PTPRG: variants seen among roughly 807,000 people sequenced by gnomAD.
PTPRG encodes protein tyrosine phosphatase receptor type G, also known as receptor-type tyrosine-protein phosphatase gamma.
A neutral mutation model predicts 165.3 loss-of-function variants in PTPRG; 102 were observed. That is an observed-to-expected ratio of 0.62 (90% CI 0.53 to 0.73). The LOEUF (loss-of-function observed/expected upper bound fraction) is 0.73. PTPRG is among the 30% of genes least tolerant of loss of function. The pLI, the probability that PTPRG is intolerant of heterozygous loss-of-function variation, is 0.00. For synonymous variants in PTPRG, 675 were observed against 669.5 expected (o/e 1.01, Z -0.13); for missense variants, 1,866 against 1,861.4 (o/e 1.00, Z -0.05).
intron 2 of PTPRG, among the ~76,000 whole-genome samples, chr3:61,844,072 T>C (rs1296508686): frequency 6.6e-6 from 1 of 151,674 alleles, no homozygotes; most frequent in East Asian, 1.9e-4. Context: ...CAAGCGATTC[T>C]CCTGCCTCAG....
intron 2 of PTPRG, among the ~76,000 whole-genome samples, chr3:61,961,139 G>A (rs1034805750): frequency 2.6e-5 from 4 of 152,136 alleles, no homozygotes; most frequent in African/African-American, 4.8e-5. Context: ...CATCTCTCCA[G>A]TAGGACCTTC....
rs1429561173 is a variant in PTPRG, at chr3:62,224,839, T to C, written c.2288+5856T>C. ...CTGAGCTGTTTCAGGTAGGACACTA[T>C]AGTTCTCCCTTGAATGTCCCTCGCA... is the stretch of plus-strand genomic sequence containing the variant. On this transcript the variant is annotated intron_variant, in intron 13 of 29. Coordinates refer to ENST00000474889, the MANE Select transcript of PTPRG (RefSeq NM_002841.4). This position sits in a 1 kb window ranked among gnomAD's most constrained non-coding sequence, Gnocchi z 4.9. 6.6e-6 allele frequency among the ~76,000 whole-genome samples: 1 copy of C among 152,190 alleles called. No homozygotes were observed. Among genetic ancestry groups the C allele is most frequent in the Non-Finnish European group, 1.5e-5 (1 of 68,032 alleles).
At chr3:62,288,282 G>A (rs1395463939) in intron 28 of PTPRG, among the ~76,000 whole-genome samples, 3 of 151,954 alleles carry the variant, frequency 2.0e-5, no homozygotes, top group South Asian at 2.1e-4. Flanking sequence ...AATAGAAGGC[G>A]ATAGTAAAAT....
chr3:62,197,870 A>C (rs1700005920), intron 10 of PTPRG, among the ~76,000 whole-genome samples: 1 of 152,228 alleles, frequency 6.6e-6, no homozygotes, highest in Admixed American at 6.5e-5. Context: ...GAAAATGGCC[A>C]GTGTCTCCTT....
chr3:61,754,563 G>C (rs943176859), intron 2 of PTPRG, among the ~76,000 whole-genome samples: 1 of 152,058 alleles, frequency 6.6e-6, no homozygotes, highest in Admixed American at 6.6e-5. Context: ...TGGAGATTTG[G>C]TGCATGTTTT....
chr3:62,165,703 T>G (rs1236489378), intron 7 of PTPRG, among the ~76,000 whole-genome samples: 1 of 152,174 alleles, frequency 6.6e-6, no homozygotes, highest in Non-Finnish European at 1.5e-5. Context: ...AAAAATTCCA[T>G]GGTTTATTAT....
At chr3:62,033,787 A>G (rs932429287) in intron 4 of PTPRG, among the ~76,000 whole-genome samples, 5 of 151,892 alleles carry the variant, frequency 3.3e-5, no homozygotes, top group African/African-American at 1.2e-4. Context: ...TTCTTTTTTG[A>G]GACGGAGTCT....
intron 1 of PTPRG, among the ~76,000 whole-genome samples, chr3:61,664,516 G>T (rs1200207746): frequency 6.6e-6 from 1 of 152,192 alleles, no homozygotes; most frequent in African/African-American, 2.4e-5. Flanking sequence ...ATAATTATGA[G>T]CATTACTTTT....
At chr3:61,745,255 G>T (rs1329020060) in intron 1 of PTPRG, among the ~76,000 whole-genome samples, 1 of 151,944 alleles carries the variant, frequency 6.6e-6, no homozygotes, top group Non-Finnish European at 1.5e-5. Context: ...CACCATGTTG[G>T]CCAGGATGGT....
At chr3:62,053,788 T>A (rs559050360) in intron 4 of PTPRG, among the ~76,000 whole-genome samples, 2 of 152,262 alleles carry the variant, frequency 1.3e-5, no homozygotes, top group East Asian at 3.9e-4. Flanking sequence ...AAATATAGAT[T>A]TCCTCTCCCC....
chr3:62,103,881 A>G (rs1051652241), intron 5 of PTPRG, among the ~76,000 whole-genome samples: 39 of 152,326 alleles, frequency 2.6e-4, no homozygotes, highest in Non-Finnish European at 5.4e-4. Context: ...CCTTTAAGCA[A>G]CTTGCATTTT....
At chr3:61,959,628 G>A (rs2040106369) in intron 2 of PTPRG, among the ~76,000 whole-genome samples, 3 of 152,176 alleles carry the variant, frequency 2.0e-5, no homozygotes, top group Admixed American at 1.3e-4. Context: ...GCAAGTGATT[G>A]GTATCTGCAT....
At chr3:61,796,581 G>A (rs1338954541) in intron 2 of PTPRG, among the ~76,000 whole-genome samples, 2 of 152,172 alleles carry the variant, frequency 1.3e-5, no homozygotes, top group Non-Finnish European at 2.9e-5. Flanking sequence ...AAGGTCATAG[G>A]ATAGCATGGT....
At chr3:62,167,146 C>CATTAA (rs1705020902) in intron 7 of PTPRG, among the ~76,000 whole-genome samples, 1 of 152,094 alleles carries the variant, frequency 6.6e-6, no homozygotes, top group Non-Finnish European at 1.5e-5. Context: ...GTGTGCTAAG[C>CATTAA]AATTTACATA....
intron 2 of PTPRG, among the ~76,000 whole-genome samples, chr3:61,946,767 T>G (rs2039768971): frequency 6.6e-6 from 1 of 152,268 alleles, no homozygotes; most frequent in South Asian, 2.1e-4. Flanking sequence ...GACATCTGTT[T>G]ACTTTCAACT....
At chr3:62,077,785 C>T (rs1235105280) in intron 4 of PTPRG, among the ~76,000 whole-genome samples, 3 of 152,044 alleles carry the variant, frequency 2.0e-5, no homozygotes, top group Non-Finnish European at 4.4e-5. Context: ...AAGCAGATCA[C>T]TTTAGGTCAA....
chr3:61,943,963 T>G (rs1346627000), intron 2 of PTPRG, among the ~76,000 whole-genome samples: 1 of 152,218 alleles, frequency 6.6e-6, no homozygotes, highest in East Asian at 1.9e-4. Context: ...TCTCTTACAT[T>G]AAAAGTAATT....
chr3:62,281,858 T>C (rs1702463789), intron 27 of PTPRG, 149 bp downstream of exon 27: 1 of 769,340 alleles, frequency 1.3e-6, no homozygotes, highest in Non-Finnish European at 1.9e-6. Context: ...CCGTTTTTCT[T>C]CCTTCAAATA....
intron 2 of PTPRG, among the ~76,000 whole-genome samples, chr3:61,913,866 C>T (rs950639242): frequency 6.6e-6 from 1 of 152,228 alleles, no homozygotes; most frequent in Admixed American, 6.5e-5. Context: ...ATGCTTTCTT[C>T]TCACCAGTGT....
Sources: allele counts gnomAD v4.1 joint callset (sites outside exome capture counted in the v4.1 genomes callset), GRCh38; gene constraint gnomAD v4.1.1; non-coding constraint Gnocchi (gnomAD v3.1); transcripts MANE v1.5; gene names NCBI Gene and HGNC (gene_info 2026-07-23, HGNC 2026-07-21).